SHISA9: variants seen among roughly 807,000 people sequenced by gnomAD.
The protein encoded by SHISA9 is shisa family member 9.
Under a neutral mutation model 38.0 loss-of-function variants are expected in SHISA9, and 13 were observed. The ratio of observed to expected loss-of-function variants is 0.34; its 90% confidence interval spans 0.22 to 0.54. The LOEUF (loss-of-function observed/expected upper bound fraction) is 0.54, where lower values mean the gene tolerates loss of function less well. SHISA9 is among the 20% of genes least tolerant of loss of function. SHISA9 has a pLI of 0.91. For synonymous variants in SHISA9, 275 were observed against 242.0 expected (o/e 1.14, Z -1.27); for missense variants, 538 against 575.8 (o/e 0.93, Z 0.67).
the SHISA9 span, among the ~76,000 whole-genome samples, chr16:13,448,002 T>G: frequency 6.6e-6 from 1 of 152,156 alleles, no homozygotes; most frequent in African/African-American, 2.4e-5. Flanking sequence ...AGGAAAACCA[T>G]TTCAACAAAC....
At chr16:13,474,974 G>A in the SHISA9 span, among the ~76,000 whole-genome samples, 11 of 152,226 alleles carry the variant, frequency 7.2e-5, no homozygotes, top group Non-Finnish European at 1.2e-4. Context: ...AAGCTCAGGA[G>A]TTTTATTCCA....
chr16:13,520,149 G>A, the SHISA9 span, among the ~76,000 whole-genome samples: 12 of 152,160 alleles, frequency 7.9e-5, no homozygotes, highest in Non-Finnish European at 1.8e-4. Context: ...TGTCACCCAC[G>A]TGATGTGGGA....
intron 2 of SHISA9, among the ~76,000 whole-genome samples, chr16:12,936,158 C>A (rs182066539): frequency 1.3e-5 from 2 of 152,044 alleles, no homozygotes; most frequent in South Asian, 2.1e-4. Flanking sequence ...CTTGGGATGA[C>A]GGGTGAGAAA....
rs1026059951 is a variant in SHISA9 at position 12,901,970 on chromosome 16, C to T, written c.-95C>T. On this transcript the variant is annotated 5_prime_UTR_variant, in exon 1 of 5. Coordinates refer to ENST00000558583, the MANE Select transcript of SHISA9 (RefSeq NM_001145204.3). ...TGCGGCCCGCGGCGGCTCGCAGCTC[C>T]CGGCAGCAGCCTCGGCAGCTTCGGC... The T allele has an allele frequency of 3.6e-5, 41 of 1,123,570 alleles. No homozygotes were observed. The highest frequency in any genetic ancestry group is 6.5e-4 in the Middle Eastern group (2 of 3,080). The allele number at this position is 1,123,570 out of a possible 1,614,324, so 69.6% of individuals were successfully genotyped here. A position where few individuals can be genotyped will look rare whatever the true frequency, so the allele number is the denominator to read the frequency against.
intron 2 of SHISA9, among the ~76,000 whole-genome samples, chr16:12,964,448 T>G (rs1167591950): frequency 1.3e-5 from 2 of 151,592 alleles, no homozygotes; most frequent in Non-Finnish European, 2.9e-5. Context: ...GCTACCTAAC[T>G]AAAAAGTTCA....
At chr16:13,277,951 T>C in the SHISA9 span, among the ~76,000 whole-genome samples, 2 of 152,068 alleles carry the variant, frequency 1.3e-5, no homozygotes, top group African/African-American at 4.8e-5. Context: ...TCTACTACTA[T>C]GTTGAAGAGG....
At chr16:13,021,645 A>T (rs878885039) in intron 2 of SHISA9, among the ~76,000 whole-genome samples, 2 of 152,178 alleles carry the variant, frequency 1.3e-5, no homozygotes, top group African/African-American at 4.8e-5. Context: ...TGATACCAAT[A>T]TTTTAAGAGG....
chr16:13,137,443 G>A (rs895889272), intron 2 of SHISA9, among the ~76,000 whole-genome samples: 10 of 151,934 alleles, frequency 6.6e-5, no homozygotes, highest in Non-Finnish European at 1.2e-4. Context: ...AGCCCATAAC[G>A]GAGGATCTAA....
At chr16:13,217,375 TG>T (rs2051180480) in intron 4 of SHISA9, among the ~76,000 whole-genome samples, 2 of 152,288 alleles carry the variant, frequency 1.3e-5, no homozygotes, top group South Asian at 4.1e-4. Context: ...GATGAAGCCG[TG>T]TCTTTGGAAA....
chr16:12,943,490 ATTGT>A (rs956287529), intron 2 of SHISA9, among the ~76,000 whole-genome samples: 10 of 151,698 alleles, frequency 6.6e-5, no homozygotes, highest in Middle Eastern at 3.2e-3. Context: ...TGAATGTATG[ATTGT>A]TTATTTATAT....
chr16:13,341,682 T>C, the SHISA9 span, among the ~76,000 whole-genome samples: 1 of 152,214 alleles, frequency 6.6e-6, no homozygotes, highest in Non-Finnish European at 1.5e-5. Flanking sequence ...TAACCTGTAT[T>C]TGTTTCTCCA....
chr16:13,115,271 G>A (rs574960832), intron 2 of SHISA9, among the ~76,000 whole-genome samples: 1 of 152,296 alleles, frequency 6.6e-6, no homozygotes, highest in Admixed American at 6.5e-5. Context: ...AAATATAGAG[G>A]TGTGAAGTGG....
chr16:13,054,032 G>C (rs1161780774), intron 2 of SHISA9, among the ~76,000 whole-genome samples: 3 of 152,012 alleles, frequency 2.0e-5, no homozygotes, highest in African/African-American at 4.8e-5. Flanking sequence ...CATATAACCT[G>C]CTTTATTTTC....
chr16:13,498,387 G>A, the SHISA9 span, among the ~76,000 whole-genome samples: 3 of 152,178 alleles, frequency 2.0e-5, no homozygotes, highest in Non-Finnish European at 4.4e-5. Flanking sequence ...CAGTAAACAA[G>A]TTGGAACTAA....
chr16:13,030,795 G>A (rs934129169), intron 2 of SHISA9, among the ~76,000 whole-genome samples: 2 of 152,208 alleles, frequency 1.3e-5, no homozygotes, highest in Admixed American at 1.3e-4. Context: ...TTTCTGGGCA[G>A]TCAAATTCTA....
the SHISA9 span, among the ~76,000 whole-genome samples, chr16:13,420,673 T>C: frequency 4.6e-5 from 7 of 152,156 alleles, no homozygotes; most frequent in Non-Finnish European, 1.5e-5. Context: ...TGAGGCAGCC[T>C]GATTAATGAA....
At chr16:12,964,810 A>G (rs916789658) in intron 2 of SHISA9, among the ~76,000 whole-genome samples, 1 of 152,212 alleles carries the variant, frequency 6.6e-6, no homozygotes, top group Admixed American at 6.5e-5. Flanking sequence ...CACAGTAAGC[A>G]TGAGGGAAAC....
intron 2 of SHISA9, among the ~76,000 whole-genome samples, chr16:13,014,769 G>A (rs564197345): frequency 8.6e-4 from 131 of 152,326 alleles, no homozygotes; most frequent in African/African-American, 3.1e-3. Context: ...CCATACAAAT[G>A]CCTTGATGAA....
At chr16:13,265,834 G>C in the SHISA9 span, among the ~76,000 whole-genome samples, 6 of 151,328 alleles carry the variant, frequency 4.0e-5, no homozygotes, top group Non-Finnish European at 8.8e-5. Flanking sequence ...AAAAAAACAA[G>C]AATCTCTGGA....
Sources: allele counts gnomAD v4.1 joint callset (sites outside exome capture counted in the v4.1 genomes callset), GRCh38; gene constraint gnomAD v4.1.1; transcripts MANE v1.5; gene names NCBI Gene and HGNC (gene_info 2026-07-23, HGNC 2026-07-21).